SLC35F5: variants seen among roughly 807,000 people sequenced by gnomAD.
SLC35F5 encodes solute carrier family 35 member F5, also known as HCV NS5A-transactivated protein 3.
In SLC35F5, 54 loss-of-function variants were observed where a neutral mutation model predicts 68.6. That is an observed-to-expected ratio of 0.79 (90% CI 0.63 to 0.99). The LOEUF (loss-of-function observed/expected upper bound fraction) is 0.99. Ranked by LOEUF, SLC35F5 falls within the 50% of genes least tolerant of loss-of-function variation. The pLI, the probability that SLC35F5 is intolerant of heterozygous loss-of-function variation, is 0.00. For missense variants in SLC35F5, 567 were observed against 626.9 expected (o/e 0.90, Z 1.02); for synonymous variants, 211 against 205.2 (o/e 1.03, Z -0.24).
chr2:113,710,314 G>A lies in SLC35F5; in HGVS notation c.*4904C>T, dbSNP rs1291446893. ...CTTTATTTTAGAATAATTAAGACAAGGATAGGCTTCAATGAAATTTTGCTT... is the reference window on the plus strand; with the variant it reads ...CTTTATTTTAGAATAATTAAGACAAAGATAGGCTTCAATGAAATTTTGCTT... On this transcript the variant is annotated 3_prime_UTR_variant, in exon 16 of 16. Transcript: ENST00000245680. Among the ~76,000 whole-genome samples the A allele has an allele frequency of 6.6e-6, 1 of 152,202 alleles. No individual in the cohort carries two copies.
rs750620734 is a variant in SLC35F5 at position 113,731,602 on chromosome 2, C to A, written c.967G>T (p.Ala323Ser). 3 of 1,612,880 alleles carry A rather than the reference C, an allele frequency of 1.9e-6. No homozygotes were observed. The highest frequency in any genetic ancestry group is 1.7e-6 in the Non-Finnish European group (2 of 1,179,212). The change falls in exon 10 of 16, where the codon GCT (alanine) becomes TCT (serine). Residue 323 changes from alanine (A) to serine (S), a missense_variant. Physicochemically the swap from Ala to Ser is moderately conservative, Grantham distance 99. Transcript: ENST00000245680. ...LVNLAGSEKP[A>S]GRDTVGSIWS... ...TACTTACCTACTGTGTCTCTTCCAG[C>A]AGGTTTTTCAGACCCTGCCAGGTTT...
intron 3 of SLC35F5, among the ~76,000 whole-genome samples, chr2:113,753,797 TTAAC>T (rs1182486962): frequency 6.6e-6 from 1 of 152,150 alleles, no homozygotes; most frequent in Non-Finnish European, 1.5e-5. Flanking sequence ...CTAAATTTTA[TTAAC>T]TAATATATAA....
At chr2:113,739,444 T>A (rs1354444927) in intron 7 of SLC35F5, among the ~76,000 whole-genome samples, 1 of 152,208 alleles carries the variant, frequency 6.6e-6, no homozygotes, top group Non-Finnish European at 1.5e-5. Context: ...GGGCCAACTG[T>A]ATGTCTGGAC....
Position 113,710,126 on chromosome 2 carries a change from A to G in SLC35F5, c.*5092T>C, listed in dbSNP as rs564040466. Among the ~76,000 whole-genome samples the G allele has an allele frequency of 4.6e-5, 7 of 152,090 alleles. No individual in the cohort carries two copies. In the South Asian group the frequency reaches 1.2e-3, roughly 27 times the overall value. On this transcript the variant is annotated 3_prime_UTR_variant, in exon 16 of 16. Coordinates refer to ENST00000245680, the MANE Select transcript of SLC35F5 (RefSeq NM_025181.5). ...CCTGTGTTCTCCCCTCTCTTCCAATAATGTGTATTCAACAAGGCCTTCAGG... is the reference window on the plus strand; with the variant it reads ...CCTGTGTTCTCCCCTCTCTTCCAATGATGTGTATTCAACAAGGCCTTCAGG...
rs1166415744 is a variant in SLC35F5 at position 113,713,590 on chromosome 2, T to C, written c.*1628A>G. On this transcript the variant is annotated 3_prime_UTR_variant, in exon 16 of 16. Transcript: ENST00000245680. ...AAAATGTTACTTCATTATGTTCTTT[T>C]TAAAAGAAAATTCCTCAGAAGTCCA... The C allele has an allele frequency of 6.6e-6, 1 of 152,146 alleles. No individual in the cohort carries two copies. The highest frequency in any genetic ancestry group is 1.9e-4 in the East Asian group (1 of 5,200). The allele number at this position is 152,146 out of a possible 1,614,324, so 9.4% of individuals were successfully genotyped here.
At position 113,742,700 on chromosome 2, in the gene SLC35F5, A is replaced by T; in HGVS notation, c.742T>A (p.Cys248Ser). Residue 248 changes from cysteine to serine, a missense_variant, in exon 7 of 16, where the codon TGC becomes AGC. Cys to Ser is a moderately radical substitution (Grantham distance 112). Coordinates refer to ENST00000245680, the MANE Select transcript of SLC35F5 (RefSeq NM_025181.5). ...TQVAKISFFF[C>S]FVWFLANLSY... is the part of the protein sequence containing the mutation. ...TATCATAAAAGACCTACCACAAAGC[A>T]AAAAAAAAAGCTAATTTTCGCTACT... is the stretch of plus-strand genomic sequence containing the variant. 1 of 1,274,172 alleles carries T rather than the reference A, an allele frequency of 7.8e-7. No individual in the cohort carries two copies. The highest frequency in any genetic ancestry group is 1.5e-5 in the South Asian group (1 of 64,810). 78.9% of individuals were successfully genotyped at this position (1,274,172 alleles called of 1,614,324 possible).
intron 3 of SLC35F5, among the ~76,000 whole-genome samples, chr2:113,751,466 G>C (rs1676734826): frequency 6.6e-6 from 1 of 152,192 alleles, no homozygotes; most frequent in African/African-American, 2.4e-5. Flanking sequence ...CAGGAGGAAA[G>C]TGCAACTCTA....
intron 7 of SLC35F5, among the ~76,000 whole-genome samples, chr2:113,741,595 T>C (rs1201258298): frequency 6.7e-6 from 1 of 150,234 alleles, no homozygotes; most frequent in East Asian, 1.9e-4. Context: ...CAGCTACTCG[T>C]GGGGCTGAGG....
Position 113,707,894 on chromosome 2 carries a change from T to C in SLC35F5, c.*7324A>G, listed in dbSNP as rs1490968440. ...AAGACTCATTTTAAATTATACTAGT[T>C]GAACCTTTATACTACAATGTATCCT... On this transcript the variant is annotated 3_prime_UTR_variant, in exon 16 of 16. Coordinates refer to ENST00000245680, the MANE Select transcript of SLC35F5 (RefSeq NM_025181.5). Among the ~76,000 whole-genome samples, 2 of 152,160 alleles carry C rather than the reference T, an allele frequency of 1.3e-5. No individual in the cohort carries two copies. Among genetic ancestry groups the C allele is most frequent in the Non-Finnish European group, 2.9e-5 (2 of 68,026 alleles).
At chr2:113,730,279 A>G (rs1306998551) in intron 10 of SLC35F5, among the ~76,000 whole-genome samples, 1 of 152,236 alleles carries the variant, frequency 6.6e-6, no homozygotes, top group Non-Finnish European at 1.5e-5. Flanking sequence ...TAAACTTTTC[A>G]AAACAGCTAA....
intron 13 of SLC35F5, among the ~76,000 whole-genome samples, chr2:113,721,559 G>A (rs371093292): frequency 1.3e-5 from 2 of 151,848 alleles, no homozygotes; most frequent in East Asian, 1.9e-4. Context: ...TGAACATTAA[G>A]CTGCAATTTT....
intron 9 of SLC35F5, 58 bp from the exon 10 acceptor site, chr2:113,731,706 A>C (rs1687902651): frequency 7.3e-7 from 1 of 1,363,954 alleles, no homozygotes; most frequent in South Asian, 1.2e-5. Flanking sequence ...CCTAATCATG[A>C]AGATAAAAAT....
At chr2:113,751,752 G>A (rs1417722392) in intron 3 of SLC35F5, among the ~76,000 whole-genome samples, 1 of 152,118 alleles carries the variant, frequency 6.6e-6, no homozygotes, top group East Asian at 1.9e-4. Context: ...AGAGGTTATA[G>A]TGAGCCAAGA....
At chr2:113,751,479 A>G (rs1268183428) in intron 3 of SLC35F5, among the ~76,000 whole-genome samples, 1 of 152,196 alleles carries the variant, frequency 6.6e-6, no homozygotes, top group African/African-American at 2.4e-5. Flanking sequence ...CAACTCTAGG[A>G]CGTAAATGGT....
chr2:113,735,980 C>T (rs1463070375), intron 7 of SLC35F5, 122 bp from the exon 8 acceptor site: 1 of 599,152 alleles, frequency 1.7e-6, no homozygotes, highest in East Asian at 3.0e-5. Flanking sequence ...GTTTTAAAAG[C>T]TGCTTTGTAT....
At chr2:113,721,658 C>T (rs1255434965) in intron 13 of SLC35F5, among the ~76,000 whole-genome samples, 1 of 152,036 alleles carries the variant, frequency 6.6e-6, no homozygotes. Flanking sequence ...TAACAAGTAG[C>T]ACCTTCCCAG....
At chr2:113,730,900 C>T (rs1687857454) in intron 10 of SLC35F5, among the ~76,000 whole-genome samples, 1 of 152,124 alleles carries the variant, frequency 6.6e-6, no homozygotes, top group South Asian at 2.1e-4. Context: ...AAGTATCCCC[C>T]ACAAGATGCT....
rs1676509173 is a variant in SLC35F5, at chr2:113,746,890, G to A, written c.418-551C>T. On this transcript the variant is annotated intron_variant, in intron 4 of 15. Transcript: ENST00000245680. ...TGCAGTGAGCCAAGATTGTGCCATT[G>A]CACTCCAGCCTGGGCAGCAAGATTA... Among the ~76,000 whole-genome samples the A allele has an allele frequency of 2.0e-5, 3 of 150,056 alleles. No individual in the cohort carries two copies. In the South Asian group the frequency reaches 6.3e-4, roughly 32 times the overall value.
chr2:113,726,079 C>T (rs143405793), intron 11 of SLC35F5, among the ~76,000 whole-genome samples: 140 of 152,262 alleles, frequency 9.2e-4, no homozygotes, highest in African/African-American at 3.2e-3. Context: ...AGCTATTCAA[C>T]GTATGAGCAA....
Sources: gnomAD v4.1 joint callset for allele counts (sites outside exome capture counted in the v4.1 genomes callset) on GRCh38, gnomAD v4.1.1 for gene constraint, MANE v1.5 for transcripts, NCBI Gene and HGNC (gene_info 2026-07-23, HGNC 2026-07-21) for gene names.